ABCA1: variants seen among roughly 807,000 people sequenced by gnomAD.
ABCA1 encodes the protein phospholipid-transporting ATPase ABCA1.
ABCA1 carries 133 observed loss-of-function variants against 262.5 expected under a neutral mutation model. The ratio of observed to expected loss-of-function variants is 0.51; its 90% CI spans 0.44 to 0.59. ABCA1 has a LOEUF of 0.59. Among genes scored for constraint, ABCA1 ranks in the 20% least tolerant of loss-of-function variants. The probability of loss-of-function intolerance (pLI) is 0.00; values close to 1 mark genes in which losing one functional copy is unlikely to be tolerated. For missense variants in ABCA1, 2,452 were observed against 2,777.5 expected (o/e 0.88, Z 2.63); for synonymous variants, 1,022 against 1,043.5 (o/e 0.98, Z 0.40).
intron 5 of ABCA1, among the ~76,000 whole-genome samples, chr9:104,863,121 A>G (rs763900996): frequency 1.3e-5 from 2 of 152,174 alleles, no homozygotes; most frequent in Non-Finnish European, 2.9e-5. Context: ...CTAAGAATCC[A>G]GAATTTTAGT....
chr9:104,862,071 C>CACACACACAT (rs1469843338), intron 5 of ABCA1, among the ~76,000 whole-genome samples: 3 of 148,950 alleles, frequency 2.0e-5, no homozygotes, highest in African/African-American at 7.6e-5. Flanking sequence ...CACACACACA[C>CACACACACAT]ACACATACAC....
At chr9:104,889,012 C>T in intron 3 of ABCA1, 90 bp downstream of exon 3, 1 of 1,119,270 alleles carries the variant, frequency 8.9e-7, no homozygotes, top group Non-Finnish European at 1.4e-6. Context: ...CCAAAGACAG[C>T]ATCTTTGGAA....
chr9:104,793,039 C>A, intron 41 of ABCA1, 132 bp downstream of exon 41: 1 of 1,583,150 alleles, frequency 6.3e-7, no homozygotes, highest in Non-Finnish European at 8.6e-7. Context: ...GCGGGATGCC[C>A]ACATCAGGAA....
intron 27 of ABCA1, 51 bp downstream of exon 27, chr9:104,814,067 A>C: frequency 6.4e-7 from 1 of 1,570,252 alleles, no homozygotes; most frequent in Non-Finnish European, 8.7e-7. Context: ...AGCATGAGAG[A>C]GAATTTCACA....
At chr9:104,789,888 G>A (rs770254721) in intron 44 of ABCA1, among the ~76,000 whole-genome samples, 2 of 152,126 alleles carry the variant, frequency 1.3e-5, no homozygotes, top group Non-Finnish European at 2.9e-5. Context: ...GAGGTCAGGA[G>A]CTCGAGACCA....
At chr9:104,793,373 C>T (rs577105552) in intron 40 of ABCA1, 73 bp from the exon 41 acceptor site, 2 of 1,604,020 alleles carry the variant, frequency 1.2e-6, no homozygotes, top group South Asian at 2.2e-5. Context: ...AAATTTGGGC[C>T]TATGTTCCTT....
At chr9:104,799,457 A>G in intron 36 of ABCA1, 1 of 981,238 alleles carries the variant, frequency 1.0e-6, no homozygotes, top group Non-Finnish European at 1.2e-6. Flanking sequence ...GGAATTAAAG[A>G]TACAAGCTAA....
At chr9:104,908,524 G>A (rs1412168377) in intron 1 of ABCA1, among the ~76,000 whole-genome samples, 3 of 152,144 alleles carry the variant, frequency 2.0e-5, no homozygotes, top group Non-Finnish European at 2.9e-5. Context: ...AAAATTAGTT[G>A]GGCGTGGCGG....
rs141420090 is a variant in ABCA1 at position 104,858,691 on chromosome 9, A to G, written c.551T>C (p.Leu184Ser). 110 of 1,614,056 alleles carry G rather than the reference A, an allele frequency of 6.8e-5. No individual in the cohort carries two copies. Among genetic ancestry groups the G allele is most frequent in the Admixed American group, 1.0e-4 (6 of 60,006 alleles). The change falls in exon 7 of 50, where the codon TTG (leucine) becomes TCG (serine). Residue 184 changes from leucine (L) to serine (S), a missense_variant. Leu to Ser is a moderately radical substitution (Grantham distance 145). Around this residue, in one of 4 missense-constraint regions of ABCA1, gnomAD observed 1,032 missense variants for 1,089.7 expected, o/e 0.95. Transcript: ENST00000374736. ...RADVILHKVF[L>S]QGYQLHLTSL... ...TGTCAAATGTAACTGGTAGCCTTGC[A>G]AAAATACCTGGAAGCATTTCATGCA...
intron 1 of ABCA1, among the ~76,000 whole-genome samples, chr9:104,920,624 G>C (rs1386844098): frequency 6.6e-6 from 1 of 152,124 alleles, no homozygotes; most frequent in African/African-American, 2.4e-5. Context: ...CGATTCTTCT[G>C]CCTAAGCCTC....
At chr9:104,800,133 C>A (rs540285395) in intron 35 of ABCA1, 145 bp from the exon 36 acceptor site, 1 of 930,522 alleles carries the variant, frequency 1.1e-6, no homozygotes, top group Non-Finnish European at 1.7e-6. Context: ...GAGAATATGG[C>A]GAAGTAATTA....
Position 104,829,096 on chromosome 9 carries a change from C to T in ABCA1, c.1935G>A (p.Thr645=), listed in dbSNP as rs772336181. The part of the protein sequence containing the change: ...VMSRSMPLFM[T]LAWIYSVAVI... ...CAGCCACTGAGTAAATCCAGGCCAGCGTCATGAAGAGGGGCATTGACCGGC... is the reference window on the plus strand; with the variant it reads ...CAGCCACTGAGTAAATCCAGGCCAGTGTCATGAAGAGGGGCATTGACCGGC... Residue 645 remains threonine, a synonymous_variant, in exon 15 of 50, where the codon ACG becomes ACA. Coordinates refer to ENST00000374736, the MANE Select transcript of ABCA1 (RefSeq NM_005502.4). The T allele has an allele frequency of 4.3e-6, 7 of 1,614,148 alleles. No homozygotes were observed. The African/African-American group carries it at 5.3e-5, about 12-fold the overall frequency.
At chr9:104,848,387 G>C (rs1835078172) in intron 7 of ABCA1, among the ~76,000 whole-genome samples, 1 of 152,154 alleles carries the variant, frequency 6.6e-6, no homozygotes, top group South Asian at 2.1e-4. Flanking sequence ...AGCCAAAGTG[G>C]GTGGATCACC....
At chr9:104,791,904 G>T in intron 43 of ABCA1, 32 bp downstream of exon 43, 1 of 1,605,766 alleles carries the variant, frequency 6.2e-7, no homozygotes, top group Non-Finnish European at 8.5e-7. Flanking sequence ...GAACTAATAG[G>T]GACAAACGCA....
chr9:104,901,992 T>A (rs1019124365), intron 2 of ABCA1, among the ~76,000 whole-genome samples: 1 of 152,202 alleles, frequency 6.6e-6, no homozygotes, highest in Admixed American at 6.5e-5. Context: ...TTACAATTAT[T>A]ATTAAAACAG....
At chr9:104,918,135 G>A (rs1019304415) in intron 1 of ABCA1, among the ~76,000 whole-genome samples, 1 of 142,418 alleles carries the variant, frequency 7.0e-6, no homozygotes, top group Non-Finnish European at 1.6e-5. Flanking sequence ...ATCACCCACG[G>A]TCTGGTTGAT....
intron 17 of ABCA1, 37 bp downstream of exon 17, chr9:104,825,646 A>T: frequency 6.3e-7 from 1 of 1,595,192 alleles, no homozygotes; most frequent in Non-Finnish European, 8.6e-7. Flanking sequence ...ATCAGCTAGA[A>T]GTCATATTTT....
intron 30 of ABCA1, among the ~76,000 whole-genome samples, chr9:104,808,342 T>C (rs1191669076): frequency 2.6e-5 from 4 of 152,184 alleles, no homozygotes; most frequent in Admixed American, 6.5e-5. Flanking sequence ...TGAGTTCATA[T>C]GGTTCAGCTG....
At position 104,818,652 on chromosome 9, in the gene ABCA1, C is replaced by T. The variant is rs997063560; in HGVS notation, c.3462+11G>A. On this transcript the variant is annotated intron_variant, in intron 23 of 49. Coordinates refer to ENST00000374736, the MANE Select transcript of ABCA1 (RefSeq NM_005502.4). The stretch of plus-strand genomic sequence containing the variant: ...ACCCAACACCAGCCCAGCACCAAGA[C>T]TGCAGCTCACCTTTTTCAGGTATGA... The T allele has an allele frequency of 3.7e-6, 6 of 1,612,036 alleles. No homozygotes were observed. Among genetic ancestry groups the T allele is most frequent in the Non-Finnish European group, 5.1e-6 (6 of 1,179,528 alleles).
Sources: gnomAD v4.1 joint callset for allele counts (sites outside exome capture counted in the v4.1 genomes callset) on GRCh38, gnomAD v4.1.1 for gene constraint, gnomAD v4.1.1 regional missense constraint, MANE v1.5 for transcripts, NCBI Gene and HGNC (gene_info 2026-07-23, HGNC 2026-07-21) for gene names.